Variants in GABRA5 observed in about 807,000 individuals in gnomAD.
GABRA5 encodes gamma-aminobutyric acid type A receptor subunit alpha5, also known as gamma-aminobutyric acid receptor subunit alpha-5.
GABRA5 carries 18 observed loss-of-function variants against 47.3 expected under a neutral mutation model. That is an observed-to-expected ratio of 0.38 (90% CI 0.26 to 0.56). GABRA5 has a LOEUF of 0.56. Among genes scored for constraint, GABRA5 ranks in the 20% least tolerant of loss-of-function variants. The pLI, the probability that GABRA5 is intolerant of heterozygous loss-of-function variation, is 0.71. For missense variants in GABRA5, 365 were observed against 599.3 expected (o/e 0.61, Z 4.08); for synonymous variants, 237 against 229.3 (o/e 1.03, Z -0.30).
chr15:26,885,044 C>T (rs1459125247), intron 6 of GABRA5, among the ~76,000 whole-genome samples: 2 of 152,134 alleles, frequency 1.3e-5, no homozygotes, highest in African/African-American at 2.4e-5. Flanking sequence ...CGCCTGTAAT[C>T]CCAGCACTTT....
chr15:26,921,276 T>C (rs1169817088), intron 7 of GABRA5, among the ~76,000 whole-genome samples: 1 of 152,178 alleles, frequency 6.6e-6, no homozygotes, highest in East Asian at 1.9e-4. Context: ...GGGAGATATT[T>C]ATGATTTAAA....
intron 6 of GABRA5, among the ~76,000 whole-genome samples, chr15:26,887,504 GT>G (rs1892906914): frequency 6.6e-6 from 1 of 151,946 alleles, no homozygotes; most frequent in African/African-American, 2.4e-5. Flanking sequence ...TAATTTTTGT[GT>G]TTTTAAAGTA....
chr15:26,915,924 G>A (rs767827142), intron 7 of GABRA5, among the ~76,000 whole-genome samples: 1 of 152,134 alleles, frequency 6.6e-6, no homozygotes, highest in Non-Finnish European at 1.5e-5. Context: ...ACCAGTTAAA[G>A]TGTTCAATAA....
At chr15:26,880,653 C>T (rs1892706478) in intron 3 of GABRA5, 193 bp from the exon 4 acceptor site, 2 of 492,380 alleles carry the variant, frequency 4.1e-6, no homozygotes, top group Non-Finnish European at 3.6e-6. Context: ...TAGCCCCAAG[C>T]AGAGTATCCT....
intron 9 of GABRA5, among the ~76,000 whole-genome samples, chr15:26,942,084 C>G (rs1440427795): frequency 6.6e-6 from 1 of 152,200 alleles, no homozygotes; most frequent in African/African-American, 2.4e-5. Flanking sequence ...ATGTGAACTG[C>G]GAGAGTCCAG....
chr15:26,925,447 A>G (rs961671017), intron 7 of GABRA5, among the ~76,000 whole-genome samples: 2 of 152,194 alleles, frequency 1.3e-5, no homozygotes, highest in Non-Finnish European at 2.9e-5. Flanking sequence ...TCAGTATACA[A>G]TATGTATCAA....
At chr15:26,874,083 C>T (rs151202912) in intron 3 of GABRA5, among the ~76,000 whole-genome samples, 1,535 of 152,276 alleles carry the variant, frequency 0.01, 32 homozygotes, top group African/African-American at 0.034. Flanking sequence ...AGTGAGTCAC[C>T]GACTCCCTTC....
At chr15:26,931,448 A>G (rs1190954447) in intron 7 of GABRA5, among the ~76,000 whole-genome samples, 1 of 152,144 alleles carries the variant, frequency 6.6e-6, no homozygotes, top group East Asian at 1.9e-4. Context: ...CTCCCCCATC[A>G]TGACCTAATC....
chr15:26,872,885 A>G (rs1892506908), intron 3 of GABRA5, among the ~76,000 whole-genome samples: 1 of 152,226 alleles, frequency 6.6e-6, no homozygotes, highest in Non-Finnish European at 1.5e-5. Context: ...TGGTGATTAT[A>G]TAGGATAACT....
intron 9 of GABRA5, among the ~76,000 whole-genome samples, chr15:26,942,170 C>A (rs1595437517): frequency 6.6e-6 from 1 of 152,198 alleles, no homozygotes. Context: ...ACTTTTAAAT[C>A]TTCAGGCTCC....
intron 6 of GABRA5, among the ~76,000 whole-genome samples, chr15:26,885,196 G>A (rs999931887): frequency 5.3e-5 from 8 of 152,078 alleles, no homozygotes; most frequent in Non-Finnish European, 1.2e-4. Flanking sequence ...CTACTTGGGA[G>A]GCTGAGGCAG....
At chr15:26,897,412 AAGAACCATCCCTGCCAACACCTTGATCTC>A (rs1893224575) in intron 6 of GABRA5, among the ~76,000 whole-genome samples, 1 of 152,088 alleles carries the variant, frequency 6.6e-6, no homozygotes, top group Non-Finnish European at 1.5e-5. Context: ...AGGCCTCAGA[AAGAACCATCCCTGCCAACACCTTGATCTC>A]AGACTTCTAC....
Position 26,948,569 on chromosome 15 carries a change from T to C in GABRA5, c.*336T>C, listed in dbSNP as rs1055060156. 1 of 210,400 alleles carries C rather than the reference T, an allele frequency of 4.8e-6. No individual in the cohort carries two copies. Among genetic ancestry groups the C allele is most frequent in the African/African-American group, 2.3e-5 (1 of 43,626 alleles). The allele number at this position is 210,400 out of a possible 1,614,324, so 13.0% of individuals were successfully genotyped here. The stretch of plus-strand genomic sequence containing the variant: ...GTTACCTAACAATGTTTTTTATACT[T>C]CAAATGTCATTTCATACAAATTTTC... On this transcript the variant is annotated 3_prime_UTR_variant, in exon 11 of 11. Transcript: ENST00000335625.
chr15:26,919,384 T>C (rs145712690), intron 7 of GABRA5, among the ~76,000 whole-genome samples: 7 of 152,302 alleles, frequency 4.6e-5, no homozygotes, highest in African/African-American at 1.7e-4. Context: ...TTTGATTCCT[T>C]TCTCTTCTTT....
At chr15:26,872,491 C>T (rs770121423) in intron 3 of GABRA5, among the ~76,000 whole-genome samples, 5 of 152,134 alleles carry the variant, frequency 3.3e-5, no homozygotes, top group East Asian at 1.9e-4. Flanking sequence ...CAAGAGGGAA[C>T]GTAATTCTAA....
At chr15:26,897,007 TACATCTTAG>T (rs1366911544) in intron 6 of GABRA5, among the ~76,000 whole-genome samples, 6 of 150,268 alleles carry the variant, frequency 4.0e-5, no homozygotes, top group African/African-American at 7.4e-5. Flanking sequence ...AAAAAATCTC[TACATCTTAG>T]AGATGTAGAG....
In GABRA5 at chr15:26,914,897, T is replaced by C; in HGVS notation, c.580+12T>C. ...GAAATTTGGCAGCTGTAAGTTATTT[T>C]CACAAGTAAGAGCCTTGGACATATA... On this transcript the variant is annotated intron_variant, in intron 7 of 10. Coordinates refer to ENST00000335625, the MANE Select transcript of GABRA5 (RefSeq NM_000810.4). The C allele has an allele frequency of 6.2e-7, 1 of 1,610,246 alleles. No homozygotes were observed.
At position 26,869,296 on chromosome 15, in the gene GABRA5, T is replaced by C. The variant is rs1192298319; in HGVS notation, c.48T>C (p.Leu16=). The change falls in exon 3 of 11, where the codon CTT becomes CTC. Residue 16 remains leucine (L), a synonymous_variant. Coordinates refer to ENST00000335625, the MANE Select transcript of GABRA5 (RefSeq NM_000810.4). ...FSGFIMIKNL[L]LFCISMNLSS... ...GTTTTATCATGATCAAAAACCTCCT[T>C]CTCTTTTGTATTTCCATGAACTTAT... 6.2e-7 allele frequency: 1 copy of C among 1,609,710 alleles called. No homozygotes were observed. Among genetic ancestry groups the C allele is most frequent in the Non-Finnish European group, 8.5e-7 (1 of 1,176,048 alleles).
rs17515632 is a variant in GABRA5 at position 26,943,036 on chromosome 15, A to AT, written c.878-177dup. Among the ~76,000 whole-genome samples the AT allele has an allele frequency of 0.021, 3,220 of 152,268 alleles. 258 individuals are homozygous for AT. In the East Asian group the frequency reaches 0.28, roughly 13 times the overall value. On this transcript the variant is annotated intron_variant, in intron 9 of 10. Transcript: ENST00000335625. ...GAGGCAGAGCTTGCAGTGAGCCGAG[A>AT]TTGTGCCACTGCACTCCAGCCTGGG...
Sources: allele counts gnomAD v4.1 joint callset (sites outside exome capture counted in the v4.1 genomes callset), GRCh38; gene constraint gnomAD v4.1.1; transcripts MANE v1.5; gene names NCBI Gene and HGNC (gene_info 2026-07-23, HGNC 2026-07-21).